The following XKR7 variants were observed in gnomAD, a reference collection of about 807,000 sequenced individuals.
The protein encoded by XKR7 is XK-related protein 7.
XKR7 carries 11 observed loss-of-function variants against 42.2 expected under a neutral mutation model. The ratio of observed to expected loss-of-function variants is 0.26; its 90% CI spans 0.16 to 0.43. The LOEUF is 0.43. XKR7 is among the 20% of genes least tolerant of loss of function. The pLI is 1.00. For synonymous variants in XKR7, 346 were observed against 366.4 expected (o/e 0.94, Z 0.64); for missense variants, 710 against 802.2 (o/e 0.89, Z 1.39).
At position 31,995,791 on chromosome 20, in the gene XKR7, G is replaced by T. The variant is rs2064588769; in HGVS notation, c.787+521G>T. ...CACCCATCCCCTCCTCCTCCCTACA[G>T]GCCCTGTTAATTTCCCACCTTGCCC... On this transcript the variant is annotated intron_variant, in intron 2 of 2. Transcript: ENST00000562532. This position sits in a 1 kb window ranked among gnomAD's most constrained non-coding sequence, Gnocchi z 4.1. Among the ~76,000 whole-genome samples the T allele has an allele frequency of 6.6e-6, 1 of 151,872 alleles. No individual in the cohort carries two copies. The highest frequency in any genetic ancestry group is 2.4e-5 in the African/African-American group (1 of 41,316).
Position 31,997,519 on chromosome 20 carries a change from T to C in XKR7, c.*62T>C, listed in dbSNP as rs1485680738. On this transcript the variant is annotated 3_prime_UTR_variant, in exon 3 of 3. Coordinates refer to ENST00000562532, the MANE Select transcript of XKR7 (RefSeq NM_001011718.2). ...TGATCCCACATCCGCCGCAGTGTTG[T>C]GCCCCGAATTTCAGGGCCACCAGGC... The C allele has an allele frequency of 1.4e-6, 2 of 1,463,234 alleles. No homozygotes were observed. Among genetic ancestry groups the C allele is most frequent in the Non-Finnish European group, 1.8e-6 (2 of 1,093,766 alleles). 90.6% of individuals were successfully genotyped at this position (1,463,234 alleles called of 1,614,324 possible).
In XKR7 at chr20:31,997,878, T is replaced by C. The variant is rs2122285814; in HGVS notation, c.*421T>C. ...TGTGGAGAGTGGGCTGCCTCTATGG[T>C]GGGAAAAGATCTCTGAGAAGGATGG... On this transcript the variant is annotated 3_prime_UTR_variant, in exon 3 of 3. Coordinates refer to ENST00000562532, the MANE Select transcript of XKR7 (RefSeq NM_001011718.2). The C allele has an allele frequency of 1.1e-5, 2 of 177,504 alleles. 1 individual carries two copies. The highest frequency in any genetic ancestry group is 2.8e-4 in the South Asian group (2 of 7,228). The allele number at this position is 177,504 out of a possible 1,614,324, so 11.0% of individuals were successfully genotyped here.
At position 31,999,015 on chromosome 20, in the gene XKR7, T is replaced by G. The variant is rs2064610549; in HGVS notation, c.*1558T>G. The G allele has an allele frequency of 2.0e-5, 3 of 149,490 alleles. No individual in the cohort carries two copies. Among genetic ancestry groups the G allele is most frequent in the Admixed American group, 6.6e-5 (1 of 15,076 alleles). The allele number at this position is 149,490 out of a possible 1,614,324, so 9.3% of individuals were successfully genotyped here. On this transcript the variant is annotated 3_prime_UTR_variant, in exon 3 of 3. Transcript: ENST00000562532. ...GAGGAGACAGAGCCTCTAGCAGAGC[T>G]GGGAACCCAACCCACCCCCCACCCC... is the stretch of plus-strand genomic sequence containing the variant.
At chr20:31,983,380 G>A (rs1053980264) in intron 1 of XKR7, among the ~76,000 whole-genome samples, 9 of 152,248 alleles carry the variant, frequency 5.9e-5, no homozygotes, top group African/African-American at 2.2e-4. Flanking sequence ...AGAGGCTGCA[G>A]AAGTGCTTTG....
chr20:31,982,650 C>T (rs912997400), intron 1 of XKR7, among the ~76,000 whole-genome samples: 1 of 151,956 alleles, frequency 6.6e-6, no homozygotes, highest in Non-Finnish European at 1.5e-5. Context: ...AAGATTTTAG[C>T]GAAGTACATA....
chr20:31,997,947 G>A lies in XKR7; in HGVS notation c.*490G>A, dbSNP rs970871944. On this transcript the variant is annotated 3_prime_UTR_variant, in exon 3 of 3. Transcript: ENST00000562532. ...TGGGGTGAGGTTGGAGCATTGTGTG[G>A]ACAGGGATGGCGTGGCTCCTGTAGC... 40 of 157,506 alleles carry A rather than the reference G, an allele frequency of 2.5e-4. No homozygotes were observed. Among genetic ancestry groups the A allele is most frequent in the African/African-American group, 5.2e-4 (21 of 40,738 alleles). 9.8% of individuals were successfully genotyped at this position (157,506 alleles called of 1,614,324 possible).
intron 1 of XKR7, among the ~76,000 whole-genome samples, chr20:31,990,974 C>T (rs2064568088): frequency 6.6e-6 from 1 of 152,214 alleles, no homozygotes; most frequent in Non-Finnish European, 1.5e-5. Context: ...ACTGACCCCA[C>T]ATTCCTGGTA....
At chr20:31,970,518 A>G (rs529396488) in intron 1 of XKR7, 131 of 152,330 alleles carry the variant, frequency 8.6e-4, no homozygotes, top group African/African-American at 2.9e-3. Flanking sequence ...ACTATCTCCC[A>G]TTTGCAAAAT....
At chr20:31,980,422 T>C (rs1351225129) in intron 1 of XKR7, among the ~76,000 whole-genome samples, 2 of 152,162 alleles carry the variant, frequency 1.3e-5, no homozygotes, top group East Asian at 3.9e-4. Context: ...GTGAGGAGGC[T>C]ATATAGCTGG....
rs1233260018 is a variant in XKR7 at position 31,968,268 on chromosome 20, G to A, written c.93G>A (p.Gly31=). 2.6e-6 allele frequency: 3 copies of A among 1,156,970 alleles called. No homozygotes were observed. The African/African-American group carries it at 4.9e-5, about 19-fold the overall frequency. The allele number at this position is 1,156,970 out of a possible 1,614,324, so 71.7% of individuals were successfully genotyped here. A position where few individuals can be genotyped will look rare whatever the true frequency, so the allele number is the denominator to read the frequency against. ...CCCGGGGCAGTGCCGGCGGGCGCGG[G>A]GAGGCGGCGGCGGCGGCCGGGCCCC... ...GGARGSAGGR[G]EAAAAAGPPG... The change falls in exon 1 of 3, where the codon GGG becomes GGA. Residue 31 remains glycine, a synonymous_variant. Coordinates refer to ENST00000562532, the MANE Select transcript of XKR7 (RefSeq NM_001011718.2). The surrounding 1 kb of genome is among the most constrained non-coding windows in gnomAD (Gnocchi z 4.5).
Position 32,001,298 on chromosome 20 carries a change from G to A in XKR7, c.*3841G>A, listed in dbSNP as rs1438781421. On this transcript the variant is annotated 3_prime_UTR_variant, in exon 3 of 3. Transcript: ENST00000562532. Reference sequence around the variant, plus strand: ...AATGGAGACAATAGGGAGTGTTGGGGACTCTGGCAGACAGGAGAGTGAGTG... The same window carrying A: ...AATGGAGACAATAGGGAGTGTTGGGAACTCTGGCAGACAGGAGAGTGAGTG... 6.6e-6 allele frequency: 1 copy of A among 152,200 alleles called. No individual in the cohort carries two copies. Among genetic ancestry groups the A allele is most frequent in the Non-Finnish European group, 1.5e-5 (1 of 68,042 alleles). The allele number at this position is 152,200 out of a possible 1,614,324, so 9.4% of individuals were successfully genotyped here.
chr20:31,994,725 G>T (rs1334041066), intron 1 of XKR7, among the ~76,000 whole-genome samples: 1 of 152,040 alleles, frequency 6.6e-6, no homozygotes. Context: ...ACAAAGTAAG[G>T]GTCGGGTAAC....
chr20:31,968,263 C>A lies in XKR7; in HGVS notation c.88C>A (p.Arg30Ser). Residue 30 changes from arginine (R) to serine (S), a missense_variant, in exon 1 of 3, where the codon CGC becomes AGC. This residue lies in a region of XKR7 where 708 missense variants were observed against 786.2 expected (regional missense o/e 0.90). Transcript: ENST00000562532. This position sits in a 1 kb window ranked among gnomAD's most constrained non-coding sequence, Gnocchi z 4.5. ...AGGARGSAGGRGEAAAAAGPP... is the reference protein window; with the variant it reads ...AGGARGSAGGSGEAAAAAGPP... ...TGGAGCCCGGGGCAGTGCCGGCGGG[C>A]GCGGGGAGGCGGCGGCGGCGGCCGG... 5 of 1,139,052 alleles carry A rather than the reference C, an allele frequency of 4.4e-6. No homozygotes were observed. Among genetic ancestry groups the A allele is most frequent in the Non-Finnish European group, 5.4e-6 (5 of 929,526 alleles). 70.6% of individuals were successfully genotyped at this position (1,139,052 alleles called of 1,614,324 possible).
In XKR7 at chr20:31,997,754, T is replaced by G; in HGVS notation, c.*297T>G. The G allele has an allele frequency of 2.6e-6, 1 of 384,560 alleles. No homozygotes were observed. The allele number at this position is 384,560 out of a possible 1,614,324, so 23.8% of individuals were successfully genotyped here. ...TGCTTTCATGGGGCCTCCACACCTCTCCCCTGCCTGGCGTTGCCCATGTGT... is the reference window on the plus strand; with the variant it reads ...TGCTTTCATGGGGCCTCCACACCTCGCCCCTGCCTGGCGTTGCCCATGTGT... On this transcript the variant is annotated 3_prime_UTR_variant, in exon 3 of 3. Transcript: ENST00000562532.
At position 32,000,953 on chromosome 20, in the gene XKR7, A is replaced by G. The variant is rs957899996; in HGVS notation, c.*3496A>G. On this transcript the variant is annotated 3_prime_UTR_variant, in exon 3 of 3. Coordinates refer to ENST00000562532, the MANE Select transcript of XKR7 (RefSeq NM_001011718.2). ...CTTGTGTCTCCCCCAAATCTGCCTT[A>G]CCCCCAGCCAGCTCCCTGCTACACC... 6.6e-6 allele frequency: 1 copy of G among 151,866 alleles called. No individual in the cohort carries two copies. The highest frequency in any genetic ancestry group is 1.5e-5 in the Non-Finnish European group (1 of 68,062). 9.4% of individuals were successfully genotyped at this position (151,866 alleles called of 1,614,324 possible). A position where few individuals can be genotyped will look rare whatever the true frequency, so the allele number is the denominator to read the frequency against.
chr20:31,968,745 C>T lies in XKR7; in HGVS notation c.570C>T (p.Leu190=), dbSNP rs1481045343. 12 of 1,532,520 alleles carry T rather than the reference C, an allele frequency of 7.8e-6. No individual in the cohort carries two copies. Among genetic ancestry groups the T allele is most frequent in the African/African-American group, 1.4e-5 (1 of 73,562 alleles). The allele number at this position is 1,532,520 out of a possible 1,614,324, so 94.9% of individuals were successfully genotyped here. A position where few individuals can be genotyped will look rare whatever the true frequency, so the allele number is the denominator to read the frequency against. ...AGACCCTCGTCCACCTCCTGCAGCT[C>T]GGCCAGGTCTGGAGGTAGGAGAAGC... ...LLQTLVHLLQ[L]GQVWRYLRAL... is the part of the protein sequence containing the mutation. Residue 190 remains leucine, a synonymous_variant, in exon 1 of 3, where the codon CTC becomes CTT. Coordinates refer to ENST00000562532, the MANE Select transcript of XKR7 (RefSeq NM_001011718.2). The surrounding 1 kb of genome is among the most constrained non-coding windows in gnomAD (Gnocchi z 4.5).
At chr20:31,993,207 G>A (rs1039884594) in intron 1 of XKR7, among the ~76,000 whole-genome samples, 23 of 151,984 alleles carry the variant, frequency 1.5e-4, no homozygotes, top group Admixed American at 9.8e-4. Flanking sequence ...TGCCTGCCCC[G>A]TGAATCAGAG....
chr20:31,986,928 A>G (rs1218346238), intron 1 of XKR7, among the ~76,000 whole-genome samples: 1 of 139,980 alleles, frequency 7.1e-6, no homozygotes, highest in Non-Finnish European at 1.6e-5. Flanking sequence ...CAAGACACAG[A>G]CAAACAGACG....
At chr20:31,990,695 G>A (rs558755550) in intron 1 of XKR7, among the ~76,000 whole-genome samples, 1 of 152,296 alleles carries the variant, frequency 6.6e-6, no homozygotes, top group East Asian at 1.9e-4. Context: ...TTGACTGGCT[G>A]ACATCATGTT....
Sources: gnomAD v4.1 joint callset for allele counts (sites outside exome capture counted in the v4.1 genomes callset) on GRCh38, gnomAD v4.1.1 for gene constraint, gnomAD v4.1.1 regional missense constraint, Gnocchi (gnomAD v3.1) non-coding constraint, MANE v1.5 for transcripts, NCBI Gene and HGNC (gene_info 2026-07-23, HGNC 2026-07-21) for gene names.